DNAH9: variants seen among roughly 807,000 people sequenced by gnomAD.
DNAH9 encodes the protein dynein axonemal heavy chain 9.
A neutral mutation model predicts 471.6 loss-of-function variants in DNAH9; 345 were observed. The observed-to-expected ratio is 0.73, with a 90% confidence interval of 0.67 to 0.80. The LOEUF (loss-of-function observed/expected upper bound fraction) is 0.80, where lower values mean the gene tolerates loss of function less well. Ranked by LOEUF, DNAH9 falls within the 30% of genes least tolerant of loss-of-function variation. The pLI, the probability that DNAH9 is intolerant of heterozygous loss-of-function variation, is 0.00. For synonymous variants in DNAH9, 2,093 were observed against 2,123.6 expected, an observed-to-expected ratio of 0.99 and a Z score of 0.40; for missense variants, 5,407 against 5,609.2, an observed-to-expected ratio of 0.96 and a Z score of 1.15.
intron 43 of DNAH9, among the ~76,000 whole-genome samples, chr17:11,803,880 A>C (rs1189454947): frequency 6.6e-6 from 1 of 152,124 alleles, no homozygotes; most frequent in Non-Finnish European, 1.5e-5. Context: ...ACTTTTCTGA[A>C]TCAGGAGAGA....
At chr17:11,666,608 G>C (rs549513998) in intron 15 of DNAH9, among the ~76,000 whole-genome samples, 1 of 152,306 alleles carries the variant, frequency 6.6e-6, no homozygotes, top group South Asian at 2.1e-4. Context: ...AAAGGCACTG[G>C]TTATCTAAGG....
chr17:11,631,476 T>G (rs1310601525), intron 7 of DNAH9, among the ~76,000 whole-genome samples: 6 of 151,990 alleles, frequency 3.9e-5, no homozygotes, highest in Non-Finnish European at 7.4e-5. Flanking sequence ...AAACCCCGTC[T>G]CAATTAAAAA....
At chr17:11,807,659 T>TTTATA in intron 43 of DNAH9, 73 bp from the exon 44 acceptor site, 1 of 1,511,768 alleles carries the variant, frequency 6.6e-7, no homozygotes, top group Non-Finnish European at 9.0e-7. Flanking sequence ...CTGCTCCCAC[T>TTTATA]CAAGCCTTTA....
At position 11,822,930 on chromosome 17, in the gene DNAH9, A is replaced by T. The variant is rs143518417; in HGVS notation, c.9142A>T (p.Ile3048Phe). Residue 3048 changes from isoleucine (I) to phenylalanine (F), a missense_variant, in exon 48 of 69, where the codon ATC (isoleucine) becomes TTC (phenylalanine). Around this residue, in one of 3 missense-constraint regions of DNAH9, gnomAD observed 4,636 missense variants for 4,900.3 expected, o/e 0.95. Transcript: ENST00000262442. Reference sequence around the variant, plus strand: ...AACTCCCAAGTCCTTTCTGGAGTTCATCAGACTCTACCAGAGCTTGTTGCA... The same window carrying T: ...AACTCCCAAGTCCTTTCTGGAGTTCTTCAGACTCTACCAGAGCTTGTTGCA... ...YTTPKSFLEF[I>F]RLYQSLLHRH... The T allele has an allele frequency of 8.7e-6, 14 of 1,614,130 alleles. No homozygotes were observed. Among genetic ancestry groups the T allele is most frequent in the Non-Finnish European group, 1.1e-5 (13 of 1,180,052 alleles).
chr17:11,617,954 C>A (rs1295264295), intron 5 of DNAH9, among the ~76,000 whole-genome samples: 1 of 152,168 alleles, frequency 6.6e-6, no homozygotes, highest in African/African-American at 2.4e-5. Context: ...AGAGTGCAGC[C>A]TCTGATGTCA....
intron 38 of DNAH9, among the ~76,000 whole-genome samples, chr17:11,775,132 C>G (rs988328369): frequency 6.6e-6 from 1 of 152,134 alleles, no homozygotes; most frequent in Admixed American, 6.5e-5. Context: ...AATGTGCACT[C>G]TCTTTTTGCC....
chr17:11,898,658 G>T (rs1378788127), intron 59 of DNAH9, among the ~76,000 whole-genome samples: 2 of 152,174 alleles, frequency 1.3e-5, no homozygotes, highest in African/African-American at 4.8e-5. Flanking sequence ...GGATTGTACT[G>T]CATAGAATTT....
intron 51 of DNAH9, among the ~76,000 whole-genome samples, chr17:11,871,291 A>G (rs781709398): frequency 6.6e-6 from 1 of 152,248 alleles, no homozygotes; most frequent in Non-Finnish European, 1.5e-5. Flanking sequence ...ATAAACATAC[A>G]TGATTATATT....
intron 51 of DNAH9, among the ~76,000 whole-genome samples, chr17:11,870,198 G>A (rs1378342034): frequency 2.0e-5 from 3 of 152,208 alleles, no homozygotes; most frequent in Admixed American, 6.5e-5. Flanking sequence ...TACTCTATAG[G>A]TCAAAGCAGT....
chr17:11,877,475 A>G (rs1480737907), intron 53 of DNAH9, among the ~76,000 whole-genome samples: 1 of 24,058 alleles, frequency 4.2e-5, no homozygotes, highest in Non-Finnish European at 1.4e-4. Flanking sequence ...ACTCTGTCTA[A>G]AAAAAAAAAA....
At chr17:11,731,227 G>A (rs922547840) in intron 28 of DNAH9, among the ~76,000 whole-genome samples, 1 of 151,492 alleles carries the variant, frequency 6.6e-6, no homozygotes, top group African/African-American at 2.4e-5. Flanking sequence ...GATGGTGGTG[G>A]CAATGATGGT....
intron 48 of DNAH9, among the ~76,000 whole-genome samples, chr17:11,826,824 T>C (rs1004424147): frequency 1.1e-4 from 16 of 141,198 alleles, no homozygotes; most frequent in Non-Finnish European, 1.8e-4. Flanking sequence ...TACTTTCTTT[T>C]TTTTTTTTTT....
intron 6 of DNAH9, among the ~76,000 whole-genome samples, chr17:11,624,369 C>T (rs944518633): frequency 1.3e-5 from 2 of 152,074 alleles, no homozygotes; most frequent in Non-Finnish European, 2.9e-5. Flanking sequence ...ATTAGCCGGG[C>T]ATGGCGGCAT....
chr17:11,869,282 G>A (rs1177627529), intron 51 of DNAH9, 29 bp downstream of exon 51: 4 of 1,609,568 alleles, frequency 2.5e-6, no homozygotes, highest in Admixed American at 1.7e-5. Context: ...AGCCCGAGCT[G>A]TAATTATATT....
chr17:11,908,597 G>A (rs1005042633), intron 61 of DNAH9, among the ~76,000 whole-genome samples: 6 of 152,156 alleles, frequency 3.9e-5, no homozygotes, highest in African/African-American at 9.7e-5. Flanking sequence ...AAAGTCAGTC[G>A]ATATTGCAAA....
In DNAH9 at chr17:11,891,284, C is replaced by G. The variant is rs114375795; in HGVS notation, c.11113-493C>G. ...CTATGTAATAATTCACATGAGCAAACTAACAAAAGATAATAGCATGTTTTC... is the reference window on the plus strand; with the variant it reads ...CTATGTAATAATTCACATGAGCAAAGTAACAAAAGATAATAGCATGTTTTC... On this transcript the variant is annotated intron_variant, in intron 57 of 68. Coordinates refer to ENST00000262442, the MANE Select transcript of DNAH9 (RefSeq NM_001372.4). Among the ~76,000 whole-genome samples the G allele has an allele frequency of 4.3e-3, 649 of 152,298 alleles. 2 individuals carry two copies. The highest frequency in any genetic ancestry group is 0.015 in the African/African-American group (625 of 41,558).
rs530962781 is a variant in DNAH9 at position 11,965,602 on chromosome 17, C to G, written c.13233+3346C>G. On this transcript the variant is annotated intron_variant, in intron 68 of 68. Coordinates refer to ENST00000262442, the MANE Select transcript of DNAH9 (RefSeq NM_001372.4). ...AATGGCCCATACACAAGGAAGAAAG[C>G]AATCAACGCAAACTATTCCTGAGGG... 2.6e-5 allele frequency among the ~76,000 whole-genome samples: 4 copies of G among 152,098 alleles called. No homozygotes were observed. The South Asian group carries it at 8.3e-4, about 31-fold the overall frequency.
At chr17:11,784,658 A>G in intron 41 of DNAH9, 119 bp downstream of exon 41, 1 of 1,393,460 alleles carries the variant, frequency 7.2e-7, no homozygotes, top group Non-Finnish European at 1.0e-6. Context: ...CACTGTTCAT[A>G]TGTAATCATG....
At chr17:11,797,003 T>G (rs1969268205) in intron 42 of DNAH9, among the ~76,000 whole-genome samples, 1 of 152,130 alleles carries the variant, frequency 6.6e-6, no homozygotes, top group African/African-American at 2.4e-5. Context: ...CCCGAAAGTG[T>G]TGTAAGTAGG....
Sources: allele counts gnomAD v4.1 joint callset (sites outside exome capture counted in the v4.1 genomes callset), GRCh38; gene constraint gnomAD v4.1.1; regional missense constraint gnomAD v4.1.1; transcripts MANE v1.5; gene names NCBI Gene and HGNC (gene_info 2026-07-23, HGNC 2026-07-21).